The following LEKR1 variants were observed in gnomAD, a reference collection of about 807,000 sequenced individuals.
LEKR1 encodes the protein protein LEKR1.
LEKR1 carries 59 observed loss-of-function variants against 72.4 expected under a neutral mutation model. The ratio of observed to expected loss-of-function variants is 0.82; its 90% CI spans 0.66 to 1.01. The LOEUF (loss-of-function observed/expected upper bound fraction) is 1.01, where lower values mean the gene tolerates loss of function less well. LEKR1 is among the 50% of genes least tolerant of loss of function. The pLI is 0.00. For missense variants in LEKR1, 728 were observed against 759.2 expected, an observed-to-expected ratio of 0.96 and a Z score of 0.48; for synonymous variants, 257 against 263.2, an observed-to-expected ratio of 0.98 and a Z score of 0.23.
intron 11 of LEKR1, among the ~76,000 whole-genome samples, chr3:157,027,505 C>T (rs760082048): frequency 2.0e-5 from 3 of 152,066 alleles, no homozygotes; most frequent in African/African-American, 4.8e-5. Flanking sequence ...CAGACAGTCC[C>T]CTGATCTACT....
intron 3 of LEKR1, among the ~76,000 whole-genome samples, chr3:156,880,406 T>G (rs1389346818): frequency 3.3e-5 from 5 of 152,096 alleles, no homozygotes; most frequent in African/African-American, 9.7e-5. Flanking sequence ...CTAGAAGAAA[T>G]GGATAAATTC....
At chr3:156,927,154 T>C (rs1027142301) in intron 4 of LEKR1, among the ~76,000 whole-genome samples, 6 of 151,866 alleles carry the variant, frequency 4.0e-5, no homozygotes, top group African/African-American at 9.7e-5. Context: ...AAAAGATTAA[T>C]AGAACAAATG....
At chr3:156,982,855 GTAGATAGATAGATAGATAGA>G (rs57476413) in intron 7 of LEKR1, among the ~76,000 whole-genome samples, 28 of 139,998 alleles carry the variant, frequency 2.0e-4, no homozygotes, top group African/African-American at 5.0e-4. Flanking sequence ...GTGTGTGTGT[GTAGATAGATAGATAGATAGA>G]TAGATAGATA....
At chr3:156,876,841 A>G (rs1193341694) in intron 3 of LEKR1, among the ~76,000 whole-genome samples, 2 of 152,210 alleles carry the variant, frequency 1.3e-5, no homozygotes. Flanking sequence ...TGCACTGGCT[A>G]GAACTTCTAG....
chr3:156,929,181 A>G (rs1724986724), intron 5 of LEKR1, among the ~76,000 whole-genome samples: 1 of 151,840 alleles, frequency 6.6e-6, no homozygotes, highest in Non-Finnish European at 1.5e-5. Flanking sequence ...TTTTAAAGTC[A>G]AGAACTTATT....
intron 10 of LEKR1, among the ~76,000 whole-genome samples, chr3:157,019,601 AT>A (rs1733649078): frequency 6.6e-6 from 1 of 152,218 alleles, no homozygotes; most frequent in Admixed American, 6.5e-5. Flanking sequence ...TTTTCTTCTT[AT>A]CAAAATTACT....
chr3:156,833,561 T>G (rs1401836492), intron 2 of LEKR1, among the ~76,000 whole-genome samples: 1 of 152,126 alleles, frequency 6.6e-6, no homozygotes, highest in Admixed American at 6.5e-5. Context: ...CAATAACACT[T>G]TCATATAAAT....
intron 10 of LEKR1, among the ~76,000 whole-genome samples, chr3:157,018,411 G>A (rs926601163): frequency 2.6e-5 from 4 of 151,974 alleles, no homozygotes; most frequent in African/African-American, 7.3e-5. Context: ...TACCAAAATC[G>A]ACCATATTTT....
chr3:156,852,810 T>C lies in LEKR1; in HGVS notation c.91T>C (p.Tyr31His), dbSNP rs1205956944. 1 of 1,534,840 alleles carries C rather than the reference T, an allele frequency of 6.5e-7. No individual in the cohort carries two copies. The highest frequency in any genetic ancestry group is 8.7e-7 in the Non-Finnish European group (1 of 1,145,644). ...AGTTTGTAAGTACTGTGGAGTCAGC[T>C]ATCTAATTCTTCATGAATTTAAGGC... Reference protein sequence around the residue: ...EKVCKYCGVSYLILHEFKAME... With the variant: ...EKVCKYCGVSHLILHEFKAME... Residue 31 changes from tyrosine (Y) to histidine (H), a missense_variant, in exon 3 of 13, where the codon TAT becomes CAT. Physicochemically the swap from Tyr to His is moderately conservative, Grantham distance 83. Coordinates refer to ENST00000356539, the MANE Select transcript of LEKR1 (RefSeq NM_001004316.3).
intron 3 of LEKR1, among the ~76,000 whole-genome samples, chr3:156,906,583 C>T (rs1722557264): frequency 3.3e-5 from 5 of 152,156 alleles, no homozygotes; most frequent in Admixed American, 3.3e-4. Flanking sequence ...ACAGTACATA[C>T]TGTATTGTAG....
chr3:156,869,969 T>A (rs748067578), intron 3 of LEKR1, among the ~76,000 whole-genome samples: 2 of 152,022 alleles, frequency 1.3e-5, no homozygotes, highest in African/African-American at 2.4e-5. Context: ...GGTGTCCTTT[T>A]CCCAGTGTGT....
intron 3 of LEKR1, among the ~76,000 whole-genome samples, chr3:156,854,137 CTTTTTTTT>C (rs370896609): frequency 5.5e-5 from 6 of 108,204 alleles, no homozygotes; most frequent in African/African-American, 1.1e-4. Context: ...GTAAAAATCA[CTTTTTTTT>C]TTTTTTTTTT....
At chr3:156,858,383 A>C (rs2108540769) in intron 3 of LEKR1, among the ~76,000 whole-genome samples, 1 of 152,214 alleles carries the variant, frequency 6.6e-6, no homozygotes, top group East Asian at 1.9e-4. Flanking sequence ...TAAAATTTAT[A>C]TTTATCAGGC....
chr3:156,898,051 G>C (rs1292160242), intron 3 of LEKR1, among the ~76,000 whole-genome samples: 1 of 151,858 alleles, frequency 6.6e-6, no homozygotes, highest in Non-Finnish European at 1.5e-5. Context: ...TTACTATTCA[G>C]ATCTTTAAAA....
intron 3 of LEKR1, among the ~76,000 whole-genome samples, chr3:156,861,282 C>A (rs1716733556): frequency 6.6e-6 from 1 of 152,118 alleles, no homozygotes; most frequent in Non-Finnish European, 1.5e-5. Flanking sequence ...TTATACATGT[C>A]TCATCCAGGC....
chr3:156,899,192 A>G (rs1028898484), intron 3 of LEKR1, among the ~76,000 whole-genome samples: 4 of 150,788 alleles, frequency 2.7e-5, no homozygotes, highest in Non-Finnish European at 4.4e-5. Flanking sequence ...TACAAATTCA[A>G]ACTTTCACCT....
At chr3:157,027,202 G>A (rs1364971753) in intron 11 of LEKR1, among the ~76,000 whole-genome samples, 1 of 150,654 alleles carries the variant, frequency 6.6e-6, no homozygotes, top group African/African-American at 2.4e-5. Flanking sequence ...TTAAATTTGA[G>A]AGTCAGTTGT....
intron 6 of LEKR1, among the ~76,000 whole-genome samples, chr3:156,947,111 A>G (rs964903090): frequency 1.3e-5 from 2 of 150,624 alleles, no homozygotes; most frequent in Non-Finnish European, 3.0e-5. Flanking sequence ...TTCAGTCTCA[A>G]TTTCATTTAT....
At chr3:157,003,618 A>G (rs1179078891) in intron 9 of LEKR1, among the ~76,000 whole-genome samples, 4 of 152,102 alleles carry the variant, frequency 2.6e-5, no homozygotes, top group Non-Finnish European at 5.9e-5. Context: ...CTTCCCCCAC[A>G]CTAACCCTCT....
Sources: gnomAD v4.1 joint callset for allele counts (sites outside exome capture counted in the v4.1 genomes callset) on GRCh38, gnomAD v4.1.1 for gene constraint, MANE v1.5 for transcripts, NCBI Gene and HGNC (gene_info 2026-07-23, HGNC 2026-07-21) for gene names.